ETV6: variants seen among roughly 807,000 people sequenced by gnomAD.
The protein encoded by ETV6 is ETS variant transcription factor 6, also known as transcription factor ETV6.
Under a neutral mutation model 51.1 loss-of-function variants are expected in ETV6, and 16 were observed. That is an observed-to-expected ratio of 0.31 (90% confidence interval 0.21 to 0.48). ETV6 has a LOEUF of 0.48. Ranked by LOEUF, ETV6 falls within the 20% of genes least tolerant of loss-of-function variation. The pLI, the probability that ETV6 is intolerant of heterozygous loss-of-function variation, is 0.99. For missense variants in ETV6, 458 were observed against 594.8 expected (o/e 0.77, Z 2.39); for synonymous variants, 240 against 224.1 (o/e 1.07, Z -0.64).
Position 11,869,446 on chromosome 12 carries a change from C to T in ETV6, c.486C>T (p.Pro162=), listed in dbSNP as rs1201956449. The change falls in exon 5 of 8, where the codon CCC becomes CCT. Residue 162 remains proline (P), a synonymous_variant. Coordinates refer to ENST00000396373, the MANE Select transcript of ETV6 (RefSeq NM_001987.5). This position sits in a 1 kb window ranked among gnomAD's most constrained non-coding sequence, Gnocchi z 5.0. The part of the protein sequence containing the change: ...HEEDNCVQRT[P]RPSVDNVHHN... ...CAGATAACTGTGTCCAGAGGACCCC[C>T]AGGCCATCCGTGGATAATGTGCACC... is the stretch of plus-strand genomic sequence containing the variant. 1 of 1,612,206 alleles carries T rather than the reference C, an allele frequency of 6.2e-7. No homozygotes were observed. Among genetic ancestry groups the T allele is most frequent in the Non-Finnish European group, 8.5e-7 (1 of 1,179,018 alleles).
At chr12:11,783,777 T>C (rs1382154748) in intron 2 of ETV6, among the ~76,000 whole-genome samples, 1 of 152,224 alleles carries the variant, frequency 6.6e-6, no homozygotes, top group Non-Finnish European at 1.5e-5. Flanking sequence ...GACAGTTGTT[T>C]GTATGGGGGC....
chr12:11,821,960 A>AC (rs1946087451), intron 2 of ETV6, among the ~76,000 whole-genome samples: 1 of 151,964 alleles, frequency 6.6e-6, no homozygotes, highest in South Asian at 2.1e-4. Flanking sequence ...ATTTCCCCAA[A>AC]CCGGTTGTGC....
At chr12:11,738,328 T>A (rs1437840097) in intron 1 of ETV6, among the ~76,000 whole-genome samples, 8 of 102,334 alleles carry the variant, frequency 7.8e-5, no homozygotes, top group East Asian at 3.0e-4. Flanking sequence ...TTTTTTTTTT[T>A]AAATTTGAGA....
chr12:11,701,608 C>A (rs1864984064), intron 1 of ETV6, among the ~76,000 whole-genome samples: 1 of 152,152 alleles, frequency 6.6e-6, no homozygotes, highest in South Asian at 2.1e-4. Context: ...GAGTGGTATT[C>A]TTTGAGGCAG....
At chr12:11,840,674 A>G (rs1591711630) in intron 3 of ETV6, 1 of 338,198 alleles carries the variant, frequency 3.0e-6, no homozygotes, top group East Asian at 7.6e-5. Context: ...GACCGTTTAT[A>G]TGAAGAAATG....
chr12:11,776,783 G>A (rs1234710996), intron 2 of ETV6, among the ~76,000 whole-genome samples: 1 of 152,110 alleles, frequency 6.6e-6, no homozygotes, highest in Admixed American at 6.5e-5. Context: ...TTTGCTCTTT[G>A]GCTCACTAAT....
intron 1 of ETV6, among the ~76,000 whole-genome samples, chr12:11,654,379 G>A (rs1336412541): frequency 6.6e-6 from 1 of 152,164 alleles, no homozygotes; most frequent in Non-Finnish European, 1.5e-5. Flanking sequence ...TAAGGGGTTT[G>A]CTTCAACCCA....
At chr12:11,811,467 C>T (rs1945912285) in intron 2 of ETV6, among the ~76,000 whole-genome samples, 2 of 152,262 alleles carry the variant, frequency 1.3e-5, no homozygotes, top group East Asian at 1.9e-4. Flanking sequence ...GGATTTCTAC[C>T]ATTAGCAGTT....
At chr12:11,790,013 G>A (rs545481892) in intron 2 of ETV6, among the ~76,000 whole-genome samples, 40 of 151,804 alleles carry the variant, frequency 2.6e-4, no homozygotes, top group Non-Finnish European at 5.1e-4. Context: ...TTATTAGGAT[G>A]TAGGTCCAAT....
chr12:11,739,075 AAAG>A (rs1305004912), intron 1 of ETV6, among the ~76,000 whole-genome samples: 3 of 152,162 alleles, frequency 2.0e-5, no homozygotes, highest in Non-Finnish European at 1.5e-5. Context: ...ATTTTTAAAA[AAAG>A]AGAGAGAGAG....
At chr12:11,771,300 A>G (rs1287070202) in intron 2 of ETV6, among the ~76,000 whole-genome samples, 1 of 152,234 alleles carries the variant, frequency 6.6e-6, no homozygotes, top group Non-Finnish European at 1.5e-5. Context: ...ACTCTAACCT[A>G]GGGAGCCATT....
At chr12:11,697,844 A>G (rs1464739962) in intron 1 of ETV6, among the ~76,000 whole-genome samples, 1 of 152,166 alleles carries the variant, frequency 6.6e-6, no homozygotes, top group Non-Finnish European at 1.5e-5. Context: ...TGGGCATCTG[A>G]CTTGTGAATC....
intron 1 of ETV6, among the ~76,000 whole-genome samples, chr12:11,747,693 C>G (rs897630863): frequency 6.6e-6 from 1 of 152,032 alleles, no homozygotes; most frequent in East Asian, 1.9e-4. Flanking sequence ...AAAAAAATGT[C>G]GACTTTCAAG....
chr12:11,681,959 C>T (rs550997157), intron 1 of ETV6, among the ~76,000 whole-genome samples: 6 of 152,246 alleles, frequency 3.9e-5, no homozygotes, highest in African/African-American at 1.4e-4. Context: ...TTTCTTTATC[C>T]AGTCTATCAT....
chr12:11,834,481 G>A lies in ETV6; in HGVS notation c.164-4659G>A, dbSNP rs963713340. Among the ~76,000 whole-genome samples, 8 of 152,288 alleles carry A rather than the reference G, an allele frequency of 5.3e-5. No homozygotes were observed. In the South Asian group the frequency reaches 1.0e-3, roughly 20 times the overall value. On this transcript the variant is annotated intron_variant, in intron 2 of 7. Transcript: ENST00000396373. ...ATCAATAAAATCACCTGATGACTAA[G>A]CCCTGTTTTCTATTAAACTGAAAAG...
chr12:11,670,047 C>T (rs571373657), intron 1 of ETV6, among the ~76,000 whole-genome samples: 1 of 150,884 alleles, frequency 6.6e-6, no homozygotes, highest in South Asian at 2.1e-4. Context: ...TAATTGTTCA[C>T]CTGGGCTTGT....
intron 1 of ETV6, among the ~76,000 whole-genome samples, chr12:11,735,835 G>A (rs938896982): frequency 6.6e-6 from 1 of 152,182 alleles, no homozygotes; most frequent in Non-Finnish European, 1.5e-5. Context: ...CCTGACCTCA[G>A]GTGATCCACC....
chr12:11,847,422 C>G (rs762809544), intron 3 of ETV6, among the ~76,000 whole-genome samples: 1 of 152,056 alleles, frequency 6.6e-6, no homozygotes, highest in Non-Finnish European at 1.5e-5. Context: ...ATAGACGAGC[C>G]GATTGAAGCC....
At position 11,869,842 on chromosome 12, in the gene ETV6, G is replaced by A; in HGVS notation, c.882G>A (p.Glu294=). ...SVDFKQSRLS[E]DGLHREGKPI... The stretch of plus-strand genomic sequence containing the variant: ...ATTTCAAACAGTCCAGGCTCTCCGA[G>A]GACGGGCTGCATAGGGAAGGGAAGC... Residue 294 remains glutamate, a synonymous_variant, in exon 5 of 8, where the codon GAG becomes GAA. Transcript: ENST00000396373. This position sits in a 1 kb window ranked among gnomAD's most constrained non-coding sequence, Gnocchi z 5.0. 3 of 1,613,356 alleles carry A rather than the reference G, an allele frequency of 1.9e-6. No homozygotes were observed. Among genetic ancestry groups the A allele is most frequent in the Non-Finnish European group, 2.5e-6 (3 of 1,180,044 alleles).
Sources: gnomAD v4.1 joint callset for allele counts (sites outside exome capture counted in the v4.1 genomes callset) on GRCh38, gnomAD v4.1.1 for gene constraint, Gnocchi (gnomAD v3.1) non-coding constraint, MANE v1.5 for transcripts, NCBI Gene and HGNC (gene_info 2026-07-23, HGNC 2026-07-21) for gene names.